The following C4orf50 variants were observed in gnomAD, a reference collection of about 807,000 sequenced individuals.
The protein encoded by C4orf50 is chromosome 4 open reading frame 50.
In C4orf50, 80 loss-of-function variants were observed where a neutral mutation model predicts 77.2. That is an observed-to-expected ratio of 1.04 (90% CI 0.87 to 1.25). The LOEUF is 1.25. Among genes scored for constraint, C4orf50 ranks in the 50% most tolerant of loss-of-function variants. The pLI, the probability that C4orf50 is intolerant of heterozygous loss-of-function variation, is 0.00. For missense variants in C4orf50, 1,257 were observed against 1,152.9 expected (o/e 1.09, Z -1.31); for synonymous variants, 532 against 465.3 (o/e 1.14, Z -1.84).
rs145126043 is a variant in C4orf50 at position 5,988,618 on chromosome 4, A to T, written c.3428T>A (p.Leu1143Gln). Reference sequence around the variant, plus strand: ...GGGTGGCCCACAGGCTCTTGAAAGCAGCTGTCCTGTGAGTGGAGTCACCTG... The same window carrying T: ...GGGTGGCCCACAGGCTCTTGAAAGCTGCTGTCCTGTGAGTGGAGTCACCTG... Residue 1143 changes from leucine (L) to glutamine (Q), a missense_variant, in exon 28 of 34, where the codon CTG becomes CAG. Transcript: ENST00000531445. 1,346 of 1,536,188 alleles carry T rather than the reference A, an allele frequency of 8.8e-4. 9 individuals carry two copies. The African/African-American group carries it at 0.016, about 19-fold the overall frequency.
At chr4:5,964,137 C>A (rs1307271572) in intron 33 of C4orf50, among the ~76,000 whole-genome samples, 3 of 152,170 alleles carry the variant, frequency 2.0e-5, no homozygotes, top group African/African-American at 2.4e-5. Context: ...GCGAGCAGGG[C>A]AATTGAGGAC....
Position 5,938,786 on chromosome 4 carries a change from T to C in C4orf50, c.*2474+18115A>G, listed in dbSNP as rs113125538. On this transcript the variant is annotated intron_variant, in intron 7 of 7. Transcript: ENST00000324058. Reference sequence around the variant, plus strand: ...CCTTTCATAATGTGATGTCAGTTTTTTTTCTTTTCTTTTTTTTTTTTATCA... The same window carrying C: ...CCTTTCATAATGTGATGTCAGTTTTCTTTCTTTTCTTTTTTTTTTTTATCA... Among the ~76,000 whole-genome samples the C allele has an allele frequency of 0.036, 432 of 12,050 alleles. 1 individual carries two copies. In the African/African-American group the frequency reaches 0.42, roughly 12 times the overall value. The allele number at this position is 12,050 out of a possible 152,430, so 7.9% of individuals were successfully genotyped here. A position where few individuals can be genotyped will look rare whatever the true frequency, so the allele number is the denominator to read the frequency against.
At chr4:5,940,191 T>C (rs1311574251) in intron 7 of C4orf50, among the ~76,000 whole-genome samples, 1 of 152,264 alleles carries the variant, frequency 6.6e-6, no homozygotes, top group Non-Finnish European at 1.5e-5. Context: ...CCAGAGGTTA[T>C]GCTCCCTAGC....
chr4:5,909,835 T>C (rs1716721718), intron 7 of C4orf50, among the ~76,000 whole-genome samples: 1 of 152,254 alleles, frequency 6.6e-6, no homozygotes, highest in African/African-American at 2.4e-5. Flanking sequence ...GATCTGTCTC[T>C]GTGTTCTCTA....
chr4:5,975,654 A>G (rs1387122237), intron 30 of C4orf50, among the ~76,000 whole-genome samples: 2 of 151,966 alleles, frequency 1.3e-5, no homozygotes, highest in Non-Finnish European at 2.9e-5. Context: ...CTGGGACTAT[A>G]GACGCATGCC....
chr4:5,981,464 G>C (rs991246958), intron 28 of C4orf50, among the ~76,000 whole-genome samples: 1 of 150,202 alleles, frequency 6.7e-6, no homozygotes, highest in Non-Finnish European at 1.5e-5. Context: ...GAGTGCAATG[G>C]CATGACCTCG....
At chr4:5,994,741 A>T (rs1193046717) in intron 25 of C4orf50, among the ~76,000 whole-genome samples, 1 of 152,166 alleles carries the variant, frequency 6.6e-6, no homozygotes, top group Non-Finnish European at 1.5e-5. Context: ...TCAGAGGAGT[A>T]TGTCTGTCCA....
chr4:6,010,483 C>T (rs1560603370), intron 24 of C4orf50, among the ~76,000 whole-genome samples: 1 of 152,196 alleles, frequency 6.6e-6, no homozygotes, highest in African/African-American at 2.4e-5. Flanking sequence ...CTGTGAACAT[C>T]ATGCTCATTA....
Position 5,900,399 on chromosome 4 carries a change from G to A in C4orf50, c.*2475-2211C>T, listed in dbSNP as rs780583475. 6.6e-5 allele frequency: 10 copies of A among 151,992 alleles called. No homozygotes were observed. The highest frequency in any genetic ancestry group is 5.9e-4 in the Admixed American group (9 of 15,254). 9.4% of individuals were successfully genotyped at this position (151,992 alleles called of 1,614,324 possible). On this transcript the variant is annotated intron_variant, in intron 7 of 7. Transcript: ENST00000324058. The surrounding 1 kb of genome is among the most constrained non-coding windows in gnomAD (Gnocchi z 4.3). ...CGAGAAACTAGGTAAGGAAGGCTAC[G>A]GAAGGGTGGATTTAAAGATCAATCA... is the stretch of plus-strand genomic sequence containing the variant.
chr4:5,966,163 G>A (rs1719552417), intron 32 of C4orf50, among the ~76,000 whole-genome samples: 1 of 152,170 alleles, frequency 6.6e-6, no homozygotes, highest in South Asian at 2.1e-4. Context: ...GGTCAGATAG[G>A]GGCTTCATTT....
At position 5,920,098 on chromosome 4, in the gene C4orf50, G is replaced by A. The variant is rs191604013; in HGVS notation, c.*2475-21910C>T. Among the ~76,000 whole-genome samples, 5 of 152,330 alleles carry A rather than the reference G, an allele frequency of 3.3e-5. No individual in the cohort carries two copies. The East Asian group carries it at 5.8e-4, about 18-fold the overall frequency. On this transcript the variant is annotated intron_variant, in intron 7 of 7. Transcript: ENST00000324058. ...ACTGTGTAGGTTATATGCAAATGCC[G>A]TGCCATTTTCTAACAAGGACTTGAG...
chr4:5,959,677 A>T, intron 33 of C4orf50, 51 bp from the exon 12 acceptor site: 1 of 1,562,956 alleles, frequency 6.4e-7, no homozygotes, highest in Non-Finnish European at 8.7e-7. Context: ...TGTTTGTAAA[A>T]GCCCCTCCAT....
rs191112747 is a variant in C4orf50 at position 5,990,396 on chromosome 4, A to G, written c.1650T>C (p.Asn550=). ...TTCTCCCCGCAAGGCTTCCTCCTCC[A>G]TTGTTCCAAGTGTCTTTCAGATCCT... Residue 550 remains asparagine, a synonymous_variant, in exon 28 of 34, where the codon AAT becomes AAC. Transcript: ENST00000531445. The G allele has an allele frequency of 4.4e-3, 1,853 of 420,184 alleles. 32 individuals carry two copies. Among genetic ancestry groups the G allele is most frequent in the African/African-American group, 0.035 (1,697 of 48,796 alleles). 26.0% of individuals were successfully genotyped at this position (420,184 alleles called of 1,614,324 possible).
At chr4:5,915,616 G>C (rs1434355754) in intron 7 of C4orf50, among the ~76,000 whole-genome samples, 3 of 152,206 alleles carry the variant, frequency 2.0e-5, no homozygotes, top group Non-Finnish European at 4.4e-5. Flanking sequence ...AGAAAGGCTA[G>C]CAAACTGAAG....
chr4:5,977,758 A>G (rs1222174810), intron 29 of C4orf50, among the ~76,000 whole-genome samples: 1 of 152,244 alleles, frequency 6.6e-6, no homozygotes, highest in East Asian at 1.9e-4. Flanking sequence ...GCACTCAATC[A>G]TATTTGCAGC....
downstream of C4orf50, among the ~76,000 whole-genome samples, chr4:5,955,692 G>T (rs1312462110): frequency 6.6e-6 from 1 of 152,160 alleles, no homozygotes; most frequent in Non-Finnish European, 1.5e-5. The surrounding 1 kb of genome is among the most constrained non-coding windows in gnomAD (Gnocchi z 5.1). Flanking sequence ...CCGGCAGCCA[G>T]ATCCCAGCCT....
At chr4:5,968,746 C>A (rs968754688) in intron 31 of C4orf50, among the ~76,000 whole-genome samples, 20 of 152,256 alleles carry the variant, frequency 1.3e-4, no homozygotes, top group African/African-American at 4.8e-4. Context: ...CCCTTTATTG[C>A]CCCTGGGTTT....
At chr4:5,988,577 T>G in exon 28 of C4orf50, 1 of 1,536,642 alleles carries the variant, frequency 6.5e-7, no homozygotes, top group Non-Finnish European at 8.7e-7. Flanking sequence ...GCAGCCAGAC[T>G]CATTTCCTCC....
chr4:5,972,470 G>A (rs1719985100), intron 31 of C4orf50, among the ~76,000 whole-genome samples: 1 of 152,210 alleles, frequency 6.6e-6, no homozygotes, highest in Non-Finnish European at 1.5e-5. Flanking sequence ...CTGGGAGTCT[G>A]GGGCTCTGGA....
Sources: gnomAD v4.1 joint callset for allele counts (sites outside exome capture counted in the v4.1 genomes callset) on GRCh38, gnomAD v4.1.1 for gene constraint, Gnocchi (gnomAD v3.1) non-coding constraint, MANE v1.5 for transcripts, NCBI Gene and HGNC (gene_info 2026-07-23, HGNC 2026-07-21) for gene names.